SLC6A11: variants seen among roughly 807,000 people sequenced by gnomAD.
SLC6A11 encodes sodium- and chloride-dependent GABA transporter 3.
A neutral mutation model predicts 74.8 loss-of-function variants in SLC6A11; 25 were observed. That is an observed-to-expected ratio of 0.33 (90% CI 0.24 to 0.47). The LOEUF (loss-of-function observed/expected upper bound fraction) is 0.47, where lower values mean the gene tolerates loss of function less well. Ranked by LOEUF, SLC6A11 falls within the 20% of genes least tolerant of loss-of-function variation. The pLI is 1.00. For missense variants in SLC6A11, 574 were observed against 837.0 expected, an observed-to-expected ratio of 0.69 and a Z score of 3.88; for synonymous variants, 330 against 330.2, an observed-to-expected ratio of 1.00 and a Z score of 0.01.
intron 6 of SLC6A11, among the ~76,000 whole-genome samples, chr3:10,883,062 G>T (rs1695001980): frequency 6.6e-6 from 1 of 152,012 alleles, no homozygotes; most frequent in African/African-American, 2.4e-5. Flanking sequence ...GGGGGGCGGG[G>T]AGGTGGGGGG....
chr3:10,873,778 C>T (rs576833793), intron 5 of SLC6A11, among the ~76,000 whole-genome samples: 9 of 151,826 alleles, frequency 5.9e-5, no homozygotes, highest in Admixed American at 2.6e-4. Flanking sequence ...CTGTCCTGTC[C>T]TGTCCTATCC....
chr3:10,826,924 A>G (rs1473241353), intron 4 of SLC6A11, among the ~76,000 whole-genome samples: 1 of 152,246 alleles, frequency 6.6e-6, no homozygotes, highest in African/African-American at 2.4e-5. Context: ...GTTACTCAAG[A>G]TGAAAGTTCA....
intron 5 of SLC6A11, among the ~76,000 whole-genome samples, chr3:10,865,715 T>G (rs1694755928): frequency 6.6e-6 from 1 of 152,200 alleles, no homozygotes; most frequent in Admixed American, 6.5e-5. Context: ...ATATCTTTGG[T>G]AAAGCTGTTC....
intron 4 of SLC6A11, 112 bp from the exon 5 acceptor site, chr3:10,844,102 G>A (rs2304724): frequency 0.21 from 277,814 of 1,317,316 alleles, 31,221 homozygotes; most frequent in South Asian, 0.33. Flanking sequence ...TTTGGCCCAC[G>A]GTGGACGTGG....
intron 5 of SLC6A11, among the ~76,000 whole-genome samples, chr3:10,864,879 C>A (rs1316861746): frequency 6.6e-6 from 1 of 152,194 alleles, no homozygotes; most frequent in Admixed American, 6.5e-5. Flanking sequence ...GTTCTATTCA[C>A]TCAGATTTTC....
At chr3:10,831,742 G>A (rs1694301423) in intron 4 of SLC6A11, among the ~76,000 whole-genome samples, 1 of 152,188 alleles carries the variant, frequency 6.6e-6, no homozygotes, top group Admixed American at 6.5e-5. Context: ...TAGTGAATAA[G>A]CTGTTACGTG....
intron 5 of SLC6A11, among the ~76,000 whole-genome samples, chr3:10,849,240 G>C (rs896352932): frequency 6.6e-6 from 1 of 152,194 alleles, no homozygotes; most frequent in African/African-American, 2.4e-5. Context: ...TTCTTCAGGA[G>C]ATAACTTCCA....
intron 7 of SLC6A11, among the ~76,000 whole-genome samples, chr3:10,912,500 C>T (rs1035332790): frequency 3.3e-5 from 5 of 152,250 alleles, no homozygotes; most frequent in African/African-American, 9.6e-5. Context: ...TGACTTGCCC[C>T]AGTCACAGAG....
At chr3:10,844,927 T>A (rs1415539810) in intron 5 of SLC6A11, among the ~76,000 whole-genome samples, 1 of 152,146 alleles carries the variant, frequency 6.6e-6, no homozygotes, top group Non-Finnish European at 1.5e-5. Context: ...TACACATGGC[T>A]CTTCCACTCA....
intron 8 of SLC6A11, among the ~76,000 whole-genome samples, chr3:10,922,626 G>A (rs1468085079): frequency 1.3e-5 from 2 of 152,184 alleles, no homozygotes; most frequent in Non-Finnish European, 2.9e-5. Flanking sequence ...GGAAGAATGA[G>A]AAGGAAGCAG....
At chr3:10,917,978 T>A (rs879611525) in intron 7 of SLC6A11, among the ~76,000 whole-genome samples, 2 of 152,214 alleles carry the variant, frequency 1.3e-5, no homozygotes, top group African/African-American at 4.8e-5. Flanking sequence ...CAGGAATACT[T>A]TCCCAGCCTT....
chr3:10,874,664 T>C (rs891087934), intron 5 of SLC6A11, among the ~76,000 whole-genome samples: 1 of 152,182 alleles, frequency 6.6e-6, no homozygotes, highest in Non-Finnish European at 1.5e-5. Flanking sequence ...TCCTGATTAG[T>C]GATGCCCCAT....
At chr3:10,872,249 T>C (rs939708525) in intron 5 of SLC6A11, among the ~76,000 whole-genome samples, 3 of 152,252 alleles carry the variant, frequency 2.0e-5, no homozygotes, top group Non-Finnish European at 4.4e-5. Context: ...GTAACTTCTC[T>C]GGCCTTTGTC....
chr3:10,858,234 C>G (rs1694661719), intron 5 of SLC6A11, among the ~76,000 whole-genome samples: 1 of 152,162 alleles, frequency 6.6e-6, no homozygotes, highest in Admixed American at 6.5e-5. Flanking sequence ...ACAGCCTTTC[C>G]TCAATTTACA....
chr3:10,816,491 T>A lies in SLC6A11; in HGVS notation c.226T>A (p.Phe76Ile), dbSNP rs145428563. The A allele has an allele frequency of 6.2e-7, 1 of 1,603,978 alleles. No homozygotes were observed. Among genetic ancestry groups the A allele is most frequent in the Non-Finnish European group, 8.5e-7 (1 of 1,175,620 alleles). Residue 76 changes from phenylalanine to isoleucine, a missense_variant, in exon 1 of 14, where the codon TTC becomes ATC. Physicochemically the swap from Phe to Ile is conservative, Grantham distance 21 (BLOSUM62 0). Coordinates refer to ENST00000254488, the MANE Select transcript of SLC6A11 (RefSeq NM_014229.3). This position sits in a 1 kb window ranked among gnomAD's most constrained non-coding sequence, Gnocchi z 4.2. Reference sequence around the variant, plus strand: ...CATTGGGCTGGGCAACGTGTGGCGCTTCCCCTACCTGTGCTACAAGAACGG... The same window carrying A: ...CATTGGGCTGGGCAACGTGTGGCGCATCCCCTACCTGTGCTACAAGAACGG... ...EIIGLGNVWR[F>I]PYLCYKNGGG...
At chr3:10,923,022 G>T (rs1315964886) in intron 8 of SLC6A11, among the ~76,000 whole-genome samples, 1 of 152,016 alleles carries the variant, frequency 6.6e-6, no homozygotes, top group Non-Finnish European at 1.5e-5. Flanking sequence ...AATAAGGAAA[G>T]GAGAGATGCT....
At chr3:10,897,744 C>T (rs559242006) in intron 6 of SLC6A11, among the ~76,000 whole-genome samples, 3 of 152,316 alleles carry the variant, frequency 2.0e-5, no homozygotes, top group African/African-American at 7.2e-5. Flanking sequence ...ATCTACCATT[C>T]TGGGATCTGG....
chr3:10,885,424 G>C (rs1016824260), intron 6 of SLC6A11, among the ~76,000 whole-genome samples: 1 of 152,028 alleles, frequency 6.6e-6, no homozygotes, highest in African/African-American at 2.4e-5. Context: ...GTGTAAAGTC[G>C]TTCTGACTCT....
chr3:10,862,890 C>T (rs6799474), intron 5 of SLC6A11, among the ~76,000 whole-genome samples: 3,187 of 152,340 alleles, frequency 0.021, 93 homozygotes, highest in African/African-American at 0.073. Flanking sequence ...CTCTCAGAAT[C>T]CAGCATAGGG....
Sources: gnomAD v4.1 joint callset for allele counts (sites outside exome capture counted in the v4.1 genomes callset) on GRCh38, gnomAD v4.1.1 for gene constraint, Gnocchi (gnomAD v3.1) non-coding constraint, MANE v1.5 for transcripts, NCBI Gene and HGNC (gene_info 2026-07-23, HGNC 2026-07-21) for gene names.